BABAM2: variants seen among roughly 807,000 people sequenced by gnomAD.
BABAM2 encodes BRISC and BRCA1-A complex member 2.
A neutral mutation model predicts 54.7 loss-of-function variants in BABAM2; 31 were observed. That is an observed-to-expected ratio of 0.57 (90% CI 0.43 to 0.77). BABAM2 has a LOEUF of 0.77. Ranked by LOEUF, BABAM2 falls within the 30% of genes least tolerant of loss-of-function variation. The pLI, the probability that BABAM2 is intolerant of heterozygous loss-of-function variation, is 0.00. For synonymous variants in BABAM2, 167 were observed against 162.9 expected, an observed-to-expected ratio of 1.03 and a Z score of -0.19; for missense variants, 364 against 455.8, an observed-to-expected ratio of 0.80 and a Z score of 1.83.
intron 1 of BABAM2, among the ~76,000 whole-genome samples, chr2:27,894,200 TG>T (rs1665102082): frequency 6.6e-6 from 1 of 152,088 alleles, no homozygotes; most frequent in Non-Finnish European, 1.5e-5. Flanking sequence ...GAGGGCTCCT[TG>T]GACTCAGCTA....
chr2:27,942,220 G>C (rs550802572), intron 3 of BABAM2, among the ~76,000 whole-genome samples: 1 of 152,352 alleles, frequency 6.6e-6, no homozygotes, highest in African/African-American at 2.4e-5. Context: ...TAACCAAACT[G>C]ATGGCGCCTG....
rs189375087 is a variant in BABAM2, at chr2:28,291,168, G to C, written c.935-7170G>C. Among the ~76,000 whole-genome samples the C allele has an allele frequency of 8.1e-4, 123 of 152,238 alleles. 1 individual carries two copies. Among genetic ancestry groups the C allele is most frequent in the African/African-American group, 2.8e-3 (116 of 41,538 alleles). On this transcript the variant is annotated intron_variant, in intron 10 of 11. Coordinates refer to ENST00000379624, the MANE Select transcript of BABAM2 (RefSeq NM_199191.3). ...GCCTATGATATCATCACTAATTAAT[G>C]GTGTAGCCAATATTTGAACTCACTT...
At chr2:28,335,542 T>C (rs1691374386) in intron 11 of BABAM2, among the ~76,000 whole-genome samples, 1 of 152,228 alleles carries the variant, frequency 6.6e-6, no homozygotes, top group South Asian at 2.1e-4. Context: ...TCATCATTAG[T>C]TACATTAAAG....
chr2:28,006,106 C>T (rs982399378), intron 4 of BABAM2, among the ~76,000 whole-genome samples: 28 of 151,370 alleles, frequency 1.8e-4, no homozygotes, highest in African/African-American at 6.8e-4. Flanking sequence ...CTTTTTTTTC[C>T]CCTTTTTTGC....
At chr2:28,222,054 G>A (rs1292959953) in intron 7 of BABAM2, among the ~76,000 whole-genome samples, 1 of 152,200 alleles carries the variant, frequency 6.6e-6, no homozygotes, top group Non-Finnish European at 1.5e-5. Context: ...AGGTGCTGAT[G>A]TGAGCCTGGG....
chr2:28,324,011 A>G (rs1056848483), intron 11 of BABAM2, among the ~76,000 whole-genome samples: 1 of 152,194 alleles, frequency 6.6e-6, no homozygotes, highest in South Asian at 2.1e-4. Context: ...CTGAAAAGCT[A>G]CACGATGCAG....
At chr2:28,139,470 G>A (rs1234326349) in intron 7 of BABAM2, among the ~76,000 whole-genome samples, 2 of 152,008 alleles carry the variant, frequency 1.3e-5, no homozygotes, top group African/African-American at 2.4e-5. Flanking sequence ...TTGGGAGGCT[G>A]AGGCAGGAGA....
At chr2:28,190,121 A>G (rs1004999893) in intron 7 of BABAM2, among the ~76,000 whole-genome samples, 1 of 152,226 alleles carries the variant, frequency 6.6e-6, no homozygotes, top group Non-Finnish European at 1.5e-5. Flanking sequence ...TCCTTACCCC[A>G]TAGCATGTAC....
At chr2:28,288,560 A>G (rs1687015375) in intron 10 of BABAM2, among the ~76,000 whole-genome samples, 1 of 152,110 alleles carries the variant, frequency 6.6e-6, no homozygotes, top group Non-Finnish European at 1.5e-5. Context: ...TCCTGACCTC[A>G]GGTGATCCAC....
intron 6 of BABAM2, among the ~76,000 whole-genome samples, chr2:28,094,892 A>G (rs1359404762): frequency 6.8e-6 from 1 of 146,884 alleles, no homozygotes; most frequent in Non-Finnish European, 1.5e-5. Context: ...TCATACCACT[A>G]CGTAGCTCCC....
chr2:27,890,069 T>C (rs1312993779), upstream of BABAM2: 6 of 564,944 alleles, frequency 1.1e-5, no homozygotes, highest in Non-Finnish European at 3.2e-6. This position sits in a 1 kb window ranked among gnomAD's most constrained non-coding sequence, Gnocchi z 4.8. Flanking sequence ...CCCTGAGATT[T>C]ACCTTTATAT....
At chr2:28,025,887 C>A (rs1675618227) in intron 5 of BABAM2, among the ~76,000 whole-genome samples, 1 of 152,172 alleles carries the variant, frequency 6.6e-6, no homozygotes, top group South Asian at 2.1e-4. Context: ...ATTATATGAT[C>A]CTTTAAAAAA....
chr2:28,020,895 G>C (rs1675194100), intron 4 of BABAM2, among the ~76,000 whole-genome samples: 1 of 150,796 alleles, frequency 6.6e-6, no homozygotes, highest in Admixed American at 6.6e-5. Flanking sequence ...TAGATTCCCA[G>C]AAATAAGATT....
In BABAM2 at chr2:27,995,163, G is replaced by A. The variant is rs186711999; in HGVS notation, c.300+7076G>A. On this transcript the variant is annotated intron_variant, in intron 4 of 11. Transcript: ENST00000379624. The surrounding 1 kb of genome is among the most constrained non-coding windows in gnomAD (Gnocchi z 4.1). ...AGATGAAGACCTTCACTGGGGTGCT[G>A]TGGGCCAGAATTGGTGCAGGTGGCC... Among the ~76,000 whole-genome samples the A allele has an allele frequency of 1.3e-5, 2 of 152,268 alleles. No homozygotes were observed. The highest frequency in any genetic ancestry group is 1.3e-4 in the Admixed American group (2 of 15,308).
At chr2:28,250,176 A>G (rs1484332051) in intron 10 of BABAM2, among the ~76,000 whole-genome samples, 1 of 152,086 alleles carries the variant, frequency 6.6e-6, no homozygotes, top group Non-Finnish European at 1.5e-5. Context: ...CTGAGACCTT[A>G]GCAGTGATTC....
chr2:28,065,036 G>T (rs1679199554), intron 6 of BABAM2, among the ~76,000 whole-genome samples: 1 of 151,790 alleles, frequency 6.6e-6, no homozygotes, highest in South Asian at 2.1e-4. Flanking sequence ...TTACTTGAGG[G>T]CACACAGCTG....
At chr2:28,171,693 T>G (rs960282741) in intron 7 of BABAM2, among the ~76,000 whole-genome samples, 2 of 152,184 alleles carry the variant, frequency 1.3e-5, no homozygotes, top group African/African-American at 4.8e-5. Context: ...TGGTTGAGAT[T>G]TTCATTTACC....
At chr2:28,249,932 T>G (rs1338438520) in intron 10 of BABAM2, among the ~76,000 whole-genome samples, 1 of 152,198 alleles carries the variant, frequency 6.6e-6, no homozygotes, top group East Asian at 1.9e-4. Flanking sequence ...CACACCCAGC[T>G]TCTTGTCTTT....
intron 6 of BABAM2, among the ~76,000 whole-genome samples, chr2:28,113,544 T>C (rs1022557419): frequency 2.0e-5 from 3 of 152,218 alleles, no homozygotes; most frequent in Non-Finnish European, 4.4e-5. Context: ...GCTGTTTTGG[T>C]TGCTGTAGCC....
Sources: gnomAD v4.1 joint callset for allele counts (sites outside exome capture counted in the v4.1 genomes callset) on GRCh38, gnomAD v4.1.1 for gene constraint, Gnocchi (gnomAD v3.1) non-coding constraint, MANE v1.5 for transcripts, NCBI Gene and HGNC (gene_info 2026-07-23, HGNC 2026-07-21) for gene names.